CDC73: variants seen among roughly 807,000 people sequenced by gnomAD.
CDC73 encodes the protein parafibromin.
In CDC73, 21 loss-of-function variants were observed where a neutral mutation model predicts 83.7. The observed-to-expected ratio is 0.25, with a 90% confidence interval of 0.18 to 0.36. The LOEUF (loss-of-function observed/expected upper bound fraction) is 0.36, where lower values mean the gene tolerates loss of function less well. Ranked by LOEUF, CDC73 falls within the 10% of genes least tolerant of loss-of-function variation. The pLI is 1.00. For synonymous variants in CDC73, 224 were observed against 212.9 expected, an observed-to-expected ratio of 1.05 and a Z score of -0.45; for missense variants, 342 against 653.3, an observed-to-expected ratio of 0.52 and a Z score of 5.19.
intron 1 of CDC73, among the ~76,000 whole-genome samples, chr1:193,123,149 C>T (rs984441159): frequency 6.6e-6 from 1 of 152,078 alleles, no homozygotes; most frequent in Admixed American, 6.5e-5. Context: ...CTACAACTTC[C>T]CTACTCATTT....
chr1:193,205,200 C>T (rs1016377756), intron 11 of CDC73, among the ~76,000 whole-genome samples: 4 of 113,704 alleles, frequency 3.5e-5, no homozygotes, highest in Non-Finnish European at 7.1e-5. Context: ...ACCTGTCCCC[C>T]CCCCCCCCTT....
At chr1:193,194,012 A>G (rs540424684) in intron 10 of CDC73, among the ~76,000 whole-genome samples, 1 of 152,320 alleles carries the variant, frequency 6.6e-6, no homozygotes, top group East Asian at 1.9e-4. Context: ...CAGCTAAACT[A>G]ATAACTGATT....
intron 13 of CDC73, among the ~76,000 whole-genome samples, chr1:193,213,421 T>C (rs1338991808): frequency 1.3e-5 from 2 of 152,098 alleles, no homozygotes; most frequent in Non-Finnish European, 2.9e-5. Context: ...ATTTTATATA[T>C]TCAGCTAAAT....
chr1:193,240,143 T>C (rs763298252), intron 15 of CDC73, among the ~76,000 whole-genome samples: 34 of 152,192 alleles, frequency 2.2e-4, no homozygotes, highest in Non-Finnish European at 4.1e-4. Context: ...TTTCTTTCAC[T>C]TAATAGAATG....
At chr1:193,137,353 C>CTTT (rs1675819791) in intron 5 of CDC73, among the ~76,000 whole-genome samples, 1 of 152,170 alleles carries the variant, frequency 6.6e-6, no homozygotes, top group Admixed American at 6.5e-5. Flanking sequence ...TATGCTGATG[C>CTTT]TTTTTATACA....
intron 12 of CDC73, 64 bp from the exon 13 acceptor site, chr1:193,212,326 T>C: frequency 9.5e-7 from 1 of 1,057,894 alleles, no homozygotes; most frequent in Non-Finnish European, 1.4e-6. Flanking sequence ...TTTTAACTTT[T>C]AGTAGAGAAA....
At chr1:193,230,143 C>CTTTT (rs944930837) in intron 13 of CDC73, among the ~76,000 whole-genome samples, 1 of 135,098 alleles carries the variant, frequency 7.4e-6, no homozygotes, top group Non-Finnish European at 1.6e-5. Context: ...CATTCCCATT[C>CTTTT]TTTTTTTTTT....
intron 10 of CDC73, among the ~76,000 whole-genome samples, chr1:193,168,269 T>A (rs1328561799): frequency 1.3e-5 from 2 of 152,198 alleles, no homozygotes; most frequent in African/African-American, 4.8e-5. Flanking sequence ...GACAAAATGC[T>A]TGGCACACAA....
At position 193,250,836 on chromosome 1, in the gene CDC73, A is replaced by C; in HGVS notation, c.*124A>C. The stretch of plus-strand genomic sequence containing the variant: ...ACCTTATTTGATGCTTTGTGCTTCA[A>C]GGAGATGATACCTGTCATCCATATA... On this transcript the variant is annotated 3_prime_UTR_variant, in exon 17 of 17. Coordinates refer to ENST00000367435, the MANE Select transcript of CDC73 (RefSeq NM_024529.5). 2.3e-6 allele frequency: 2 copies of C among 879,286 alleles called. No individual in the cohort carries two copies. Among genetic ancestry groups the C allele is most frequent in the Non-Finnish European group, 3.7e-6 (2 of 533,714 alleles). 54.5% of individuals were successfully genotyped at this position (879,286 alleles called of 1,614,324 possible). A position where few individuals can be genotyped will look rare whatever the true frequency, so the allele number is the denominator to read the frequency against.
chr1:193,172,916 A>G lies in CDC73; in HGVS notation c.972+20472A>G, dbSNP rs183697478. On this transcript the variant is annotated intron_variant, in intron 10 of 16. Transcript: ENST00000367435. The stretch of plus-strand genomic sequence containing the variant: ...CAACTGACATAATGGATTTAGGTTT[A>G]TTTTTTCTTTGAAATGAGTGCATGA... Among the ~76,000 whole-genome samples, 32 of 152,270 alleles carry G rather than the reference A, an allele frequency of 2.1e-4. No individual in the cohort carries two copies. The East Asian group carries it at 5.8e-3, about 28-fold the overall frequency.
intron 10 of CDC73, among the ~76,000 whole-genome samples, chr1:193,187,322 G>A (rs1256373140): frequency 6.6e-6 from 1 of 152,008 alleles, no homozygotes; most frequent in Non-Finnish European, 1.5e-5. Flanking sequence ...TCAGTAAAAT[G>A]ATGTAATAGA....
intron 2 of CDC73, among the ~76,000 whole-genome samples, chr1:193,129,021 A>C (rs1675641030): frequency 7.3e-6 from 1 of 136,566 alleles, no homozygotes. Flanking sequence ...TTTTTGAGAC[A>C]GTGTCTCACT....
intron 15 of CDC73, chr1:193,236,663 G>A: frequency 2.8e-6 from 1 of 353,976 alleles, no homozygotes; most frequent in East Asian, 6.9e-5. Flanking sequence ...GGGAAGCTGA[G>A]GCAGGTGGAT....
chr1:193,188,918 A>G (rs746443500), intron 10 of CDC73, among the ~76,000 whole-genome samples: 10 of 152,036 alleles, frequency 6.6e-5, no homozygotes, highest in Non-Finnish European at 1.5e-4. Context: ...TTCATACTTT[A>G]AAAGTACAGC....
chr1:193,171,506 G>A (rs1201768607), intron 10 of CDC73, among the ~76,000 whole-genome samples: 2 of 152,188 alleles, frequency 1.3e-5, no homozygotes, highest in East Asian at 3.8e-4. Flanking sequence ...ATTGTTTGCT[G>A]GATGTAAACT....
At chr1:193,188,456 T>C (rs934172578) in intron 10 of CDC73, among the ~76,000 whole-genome samples, 5 of 152,212 alleles carry the variant, frequency 3.3e-5, no homozygotes, top group Non-Finnish European at 5.9e-5. Flanking sequence ...TTTTTTTTTT[T>C]CTGAACACTG....
intron 13 of CDC73, among the ~76,000 whole-genome samples, chr1:193,219,043 C>T (rs760174996): frequency 3.9e-5 from 6 of 152,052 alleles, no homozygotes; most frequent in Non-Finnish European, 7.4e-5. Context: ...GTATAAGGAC[C>T]TTAAGCATAA....
At chr1:193,230,292 G>A (rs1263495929) in intron 13 of CDC73, among the ~76,000 whole-genome samples, 1 of 151,420 alleles carries the variant, frequency 6.6e-6, no homozygotes, top group Non-Finnish European at 1.5e-5. Context: ...GGGATTACAA[G>A]CGCACGCCAC....
At chr1:193,242,270 T>C (rs1461243166) in intron 15 of CDC73, among the ~76,000 whole-genome samples, 1 of 152,116 alleles carries the variant, frequency 6.6e-6, no homozygotes, top group African/African-American at 2.4e-5. Flanking sequence ...GAACCTCCTA[T>C]CTGGAGCATC....
Sources: gnomAD v4.1 joint callset for allele counts (sites outside exome capture counted in the v4.1 genomes callset) on GRCh38, gnomAD v4.1.1 for gene constraint, MANE v1.5 for transcripts, NCBI Gene and HGNC (gene_info 2026-07-23, HGNC 2026-07-21) for gene names.